Variants in ARRDC5 observed in about 807,000 individuals in gnomAD.
ARRDC5 encodes arrestin domain containing 5, also known as arrestin domain-containing protein 5.
ARRDC5 carries 12 observed loss-of-function variants against 13.3 expected under a neutral mutation model. That is an observed-to-expected ratio of 0.90 (90% CI 0.58 to 1.46). The LOEUF is 1.46. Ranked by LOEUF, ARRDC5 falls within the 40% of genes most tolerant of loss-of-function variation. The pLI, the probability that ARRDC5 is intolerant of heterozygous loss-of-function variation, is 0.00. For missense variants in ARRDC5, 406 were observed against 418.7 expected (o/e 0.97, Z 0.26); for synonymous variants, 181 against 173.4 (o/e 1.04, Z -0.34).
chr19:4,904,504 A>C (rs558567845), upstream of ARRDC5, among the ~76,000 whole-genome samples: 3 of 152,038 alleles, frequency 2.0e-5, no homozygotes, highest in African/African-American at 7.2e-5. Flanking sequence ...TAGTAGAGAC[A>C]GGGTTTCACC....
intron 2 of ARRDC5, among the ~76,000 whole-genome samples, chr19:4,892,532 T>A: frequency 6.9e-6 from 1 of 143,922 alleles, no homozygotes; most frequent in Admixed American, 7.0e-5. Context: ...ACACCCCAGC[T>A]TTTTTTTTTT....
chr19:4,913,166 T>G, the ARRDC5 span, among the ~76,000 whole-genome samples: 1 of 151,986 alleles, frequency 6.6e-6, no homozygotes, highest in Non-Finnish European at 1.5e-5. Flanking sequence ...ACATAATACT[T>G]GAGTCATACA....
chr19:4,910,825 C>T, the ARRDC5 span: 3 of 1,554,334 alleles, frequency 1.9e-6, no homozygotes, highest in Non-Finnish European at 2.6e-6. Context: ...CATGGCATGG[C>T]TCAGAGGTGC....
At chr19:4,892,116 C>T (rs1230705174) in intron 2 of ARRDC5, among the ~76,000 whole-genome samples, 1 of 151,940 alleles carries the variant, frequency 6.6e-6, no homozygotes, top group Non-Finnish European at 1.5e-5. Flanking sequence ...GAGACAGAGT[C>T]TTGCTCTGTT....
chr19:4,910,206 G>C, the ARRDC5 span: 55 of 151,600 alleles, frequency 3.6e-4, no homozygotes, highest in African/African-American at 1.3e-3. Flanking sequence ...CGAGGGTCCA[G>C]GGTTTGGAGG....
upstream of ARRDC5, among the ~76,000 whole-genome samples, chr19:4,905,454 T>G (rs531892742): frequency 1.5e-3 from 234 of 151,070 alleles, 2 homozygotes; most frequent in Admixed American, 2.6e-3. Flanking sequence ...TATGAGATTT[T>G]TTTGCAATTT....
rs779496768 is a variant in ARRDC5, at chr19:4,890,848, G to A, written c.*198C>T. On this transcript the variant is annotated 3_prime_UTR_variant, in exon 3 of 3. Coordinates refer to ENST00000650722, the MANE Select transcript of ARRDC5 (RefSeq NM_001080523.3). Reference sequence around the variant, plus strand: ...GGTTTGGGTCCTGGGAGACCTTCCCGGTTTCCTTTGTCCATTCCAGGCATT... The same window carrying A: ...GGTTTGGGTCCTGGGAGACCTTCCCAGTTTCCTTTGTCCATTCCAGGCATT... 4.4e-5 allele frequency: 25 copies of A among 562,560 alleles called. No homozygotes were observed. The highest frequency in any genetic ancestry group is 6.8e-5 in the Admixed American group (2 of 29,214). The allele number at this position is 562,560 out of a possible 1,614,324, so 34.8% of individuals were successfully genotyped here. A position where few individuals can be genotyped will look rare whatever the true frequency, so the allele number is the denominator to read the frequency against.
At chr19:4,894,099 C>T (rs377516488) in intron 2 of ARRDC5, among the ~76,000 whole-genome samples, 28 of 121,076 alleles carry the variant, frequency 2.3e-4, no homozygotes, top group East Asian at 1.9e-3. Flanking sequence ...AGAAGACAGC[C>T]GGTGCGGTGG....
In ARRDC5 at chr19:4,899,105, C is replaced by T. The variant is rs547129662; in HGVS notation, c.254-2229G>A. On this transcript the variant is annotated intron_variant, in intron 1 of 2. Coordinates refer to ENST00000650722, the MANE Select transcript of ARRDC5 (RefSeq NM_001080523.3). ...CGGGCAGATCACGAGGTCAGGAGAT[C>T]GAGACCATCCTGGCAAACACGGTGA... is the stretch of plus-strand genomic sequence containing the variant. Among the ~76,000 whole-genome samples the T allele has an allele frequency of 2.5e-4, 37 of 148,250 alleles. No homozygotes were observed. The South Asian group carries it at 7.0e-3, about 28-fold the overall frequency.
At chr19:4,899,903 C>CA (rs775172671) in intron 1 of ARRDC5, among the ~76,000 whole-genome samples, 35 of 150,458 alleles carry the variant, frequency 2.3e-4, no homozygotes, top group East Asian at 1.2e-3. Context: ...TGCACCACTG[C>CA]ACTCCACGCT....
chr19:4,903,165 C>G (rs551770937), upstream of ARRDC5: 1,228 of 277,702 alleles, frequency 4.4e-3, 10 homozygotes, highest in Non-Finnish European at 3.9e-3. Flanking sequence ...TAGCTGGGAC[C>G]ACGGGTGCAT....
At chr19:4,905,001 G>C (rs188831683), upstream of ARRDC5, among the ~76,000 whole-genome samples, 3 of 151,462 alleles carry the variant, frequency 2.0e-5, no homozygotes, top group African/African-American at 7.3e-5. Context: ...GATAGCTTTT[G>C]TGGGCATTGG....
rs35303447 is a variant in ARRDC5, at chr19:4,900,143, C to CT, written c.253+2429dup. On this transcript the variant is annotated intron_variant, in intron 1 of 2. Coordinates refer to ENST00000650722, the MANE Select transcript of ARRDC5 (RefSeq NM_001080523.3). ...AGCAGTCTTTTTTTTCTGTTTCTTTCTTTTTTTTTTTTTTTTTTTTTTGAG... is the reference window on the plus strand; with the variant it reads ...AGCAGTCTTTTTTTTCTGTTTCTTTCTTTTTTTTTTTTTTTTTTTTTTTGAG... Among the ~76,000 whole-genome samples, 597 of 84,214 alleles carry CT rather than the reference C, an allele frequency of 7.1e-3. 17 individuals carry two copies. The highest frequency in any genetic ancestry group is 9.5e-3 in the Non-Finnish European group (457 of 48,234). The allele number at this position is 84,214 out of a possible 152,430, so 55.2% of individuals were successfully genotyped here. A position where few individuals can be genotyped will look rare whatever the true frequency, so the allele number is the denominator to read the frequency against.
upstream of ARRDC5, among the ~76,000 whole-genome samples, chr19:4,907,704 C>CTTTTTTTTTTTTTTTTTTTTTTTTTT (rs59867968): frequency 2.1e-5 from 1 of 47,670 alleles, no homozygotes; most frequent in Non-Finnish European, 3.6e-5. Context: ...TTGGCCTGAT[C>CTTTTTTTTTTTTTTTTTTTTTTTTTT]TTTTTTTTTT....
At position 4,896,773 on chromosome 19, in the gene ARRDC5, G is replaced by A. The variant is rs779405196; in HGVS notation, c.357C>T (p.Phe119=). ...FTSKFGHVFY[F]VQASCMGREH... ...CCCTGCCCATGCAGGAAGCTTGTAC[G>A]AAATAGAAGACATGGCCAAATTTGC... The change falls in exon 2 of 3, where the codon TTC becomes TTT. Residue 119 remains phenylalanine, a synonymous_variant. Transcript: ENST00000650722. 6 of 1,613,680 alleles carry A rather than the reference G, an allele frequency of 3.7e-6. No individual in the cohort carries two copies. The highest frequency in any genetic ancestry group is 1.3e-5 in the African/African-American group (1 of 75,018).
At chr19:4,891,799 A>G (rs1296000841) in intron 2 of ARRDC5, among the ~76,000 whole-genome samples, 1 of 152,056 alleles carries the variant, frequency 6.6e-6, no homozygotes, top group Non-Finnish European at 1.5e-5. Flanking sequence ...TACTAAAAAT[A>G]CAAAAATTAG....
the ARRDC5 span, chr19:4,910,401 G>C: frequency 1.3e-5 from 2 of 151,990 alleles, no homozygotes; most frequent in Non-Finnish European, 2.9e-5. Context: ...CGCGGATCTC[G>C]GGTGGGGTTT....
intron 1 of ARRDC5, among the ~76,000 whole-genome samples, chr19:4,900,522 C>T (rs2031882442): frequency 6.6e-6 from 1 of 152,152 alleles, no homozygotes; most frequent in Admixed American, 6.6e-5. Flanking sequence ...GAAATAGGAC[C>T]TCTTCCTACT....
intron 1 of ARRDC5, 26 bp from the exon 2 acceptor site, chr19:4,896,902 T>C: frequency 2.6e-6 from 4 of 1,537,786 alleles, no homozygotes; most frequent in Non-Finnish European, 3.6e-6. Context: ...ACCGATGCCA[T>C]CAGAAGGTTC....
Sources: gnomAD v4.1 joint callset for allele counts (sites outside exome capture counted in the v4.1 genomes callset) on GRCh38, gnomAD v4.1.1 for gene constraint, MANE v1.5 for transcripts, NCBI Gene and HGNC (gene_info 2026-07-23, HGNC 2026-07-21) for gene names.